The following DLGAP2 variants were observed in gnomAD, a reference collection of about 807,000 sequenced individuals.
The protein encoded by DLGAP2 is disks large-associated protein 2.
Under a neutral mutation model 100.3 loss-of-function variants are expected in DLGAP2, and 26 were observed. The ratio of observed to expected loss-of-function variants is 0.26; its 90% CI spans 0.19 to 0.36. DLGAP2 has a LOEUF of 0.36. Among genes scored for constraint, DLGAP2 ranks in the 10% least tolerant of loss-of-function variants. The pLI, the probability that DLGAP2 is intolerant of heterozygous loss-of-function variation, is 1.00. For missense variants in DLGAP2, 1,858 were observed against 1,453.2 expected (o/e 1.28, Z -4.53); for synonymous variants, 886 against 630.1 (o/e 1.41, Z -6.08).
intron 2 of DLGAP2, among the ~76,000 whole-genome samples, chr8:1,208,456 T>C (rs376034084): frequency 1.3e-5 from 2 of 152,206 alleles, no homozygotes; most frequent in East Asian, 1.9e-4. Context: ...CTCAGCAGAA[T>C]TGGCATAGAA....
At chr8:1,174,552 A>C (rs1363835455) in intron 2 of DLGAP2, among the ~76,000 whole-genome samples, 8 of 139,370 alleles carry the variant, frequency 5.7e-5, no homozygotes, top group African/African-American at 1.6e-4. Flanking sequence ...ACCATCACCA[A>C]AGTCATTATT....
Position 877,542 on chromosome 8 carries a change from A to G in DLGAP2, c.19-30370A>G, listed in dbSNP as rs548927697. ...CTGCTGATTGCAATTGTGGGCATACATTGCTTCACAAATAAATCTAATCAA... is the reference window on the plus strand; with the variant it reads ...CTGCTGATTGCAATTGTGGGCATACGTTGCTTCACAAATAAATCTAATCAA... On this transcript the variant is annotated intron_variant, in intron 1 of 14. Coordinates refer to ENST00000637795, the MANE Select transcript of DLGAP2 (RefSeq NM_001346810.2). Among the ~76,000 whole-genome samples the G allele has an allele frequency of 4.6e-5, 7 of 152,344 alleles. No individual in the cohort carries two copies. The South Asian group carries it at 8.3e-4, about 18-fold the overall frequency.
chr8:1,633,721 A>C (rs546272151), intron 8 of DLGAP2, among the ~76,000 whole-genome samples: 29 of 152,316 alleles, frequency 1.9e-4, no homozygotes, highest in Middle Eastern at 3.4e-3. Context: ...TAAAAGCTCG[A>C]GGCGCCGCAC....
At chr8:1,220,550 C>A (rs1052658471) in intron 2 of DLGAP2, among the ~76,000 whole-genome samples, 2 of 151,984 alleles carry the variant, frequency 1.3e-5, no homozygotes, top group African/African-American at 2.4e-5. Context: ...GAATATGTGC[C>A]GTGTGGAGAT....
chr8:1,245,255 A>G (rs532946117), intron 2 of DLGAP2, among the ~76,000 whole-genome samples: 17 of 152,346 alleles, frequency 1.1e-4, no homozygotes, highest in Non-Finnish European at 2.1e-4. Context: ...ACCCAAGAGA[A>G]ATGAAACATA....
chr8:1,268,252 C>A (rs1446532999), intron 3 of DLGAP2, among the ~76,000 whole-genome samples: 4 of 152,116 alleles, frequency 2.6e-5, no homozygotes, highest in African/African-American at 9.7e-5. Context: ...ATTTAAACAT[C>A]AGGCCGTGGG....
chr8:1,446,800 T>G (rs533768729), intron 3 of DLGAP2, among the ~76,000 whole-genome samples: 1 of 152,310 alleles, frequency 6.6e-6, no homozygotes, highest in Non-Finnish European at 1.5e-5. Flanking sequence ...ATTAAAGAGG[T>G]CATTCACATC....
At chr8:1,529,968 G>A (rs760661209) in intron 4 of DLGAP2, among the ~76,000 whole-genome samples, 51 of 152,186 alleles carry the variant, frequency 3.4e-4, no homozygotes, top group Non-Finnish European at 7.3e-5. Flanking sequence ...TACTTTACAA[G>A]GTAATAGAAT....
At chr8:873,373 A>G (rs1429770323) in intron 1 of DLGAP2, among the ~76,000 whole-genome samples, 1 of 152,224 alleles carries the variant, frequency 6.6e-6, no homozygotes, top group Non-Finnish European at 1.5e-5. Flanking sequence ...TTTGAAATGA[A>G]GGAGTGAGAA....
Position 871,731 on chromosome 8 carries a change from T to C in DLGAP2, c.19-36181T>C, listed in dbSNP as rs979189085. On this transcript the variant is annotated intron_variant, in intron 1 of 14. Transcript: ENST00000637795. ...AAAAAAAACCAATTTGAAGTACTTCTGGTCCCACGCATTTTGGGTAAGGGA... is the reference window on the plus strand; with the variant it reads ...AAAAAAAACCAATTTGAAGTACTTCCGGTCCCACGCATTTTGGGTAAGGGA... 3.3e-5 allele frequency among the ~76,000 whole-genome samples: 5 copies of C among 152,244 alleles called. No individual in the cohort carries two copies. The East Asian group carries it at 5.8e-4, about 18-fold the overall frequency.
intron 2 of DLGAP2, among the ~76,000 whole-genome samples, chr8:1,159,584 T>TATTTA (rs10667056): frequency 0.88 from 133,040 of 151,774 alleles, 58,365 homozygotes; most frequent in African/African-American, 0.9. Flanking sequence ...CTCTTCTGTG[T>TATTTA]ATTTTTCTAT....
rs57995053 is a variant in DLGAP2 at position 1,214,948 on chromosome 8, G to A, written c.74-43903G>A. On this transcript the variant is annotated intron_variant, in intron 2 of 14. Coordinates refer to ENST00000637795, the MANE Select transcript of DLGAP2 (RefSeq NM_001346810.2). Reference sequence around the variant, plus strand: ...CTGGCTGAAACACACTAGAACATGCGTTTAAAAATGCAGTGCAATCTCGTT... The same window carrying A: ...CTGGCTGAAACACACTAGAACATGCATTTAAAAATGCAGTGCAATCTCGTT... Among the ~76,000 whole-genome samples, 1,100 of 152,304 alleles carry A rather than the reference G, an allele frequency of 7.2e-3. 12 individuals are homozygous for A. The highest frequency in any genetic ancestry group is 0.025 in the African/African-American group (1,033 of 41,570).
intron 3 of DLGAP2, among the ~76,000 whole-genome samples, chr8:1,430,525 C>T (rs73670801): frequency 2.0e-5 from 3 of 152,084 alleles, no homozygotes; most frequent in East Asian, 1.9e-4. Flanking sequence ...GTCTACAGGC[C>T]TTGTAGCTAA....
chr8:1,323,111 C>T (rs373116093), intron 3 of DLGAP2, among the ~76,000 whole-genome samples: 1 of 151,314 alleles, frequency 6.6e-6, no homozygotes, highest in Non-Finnish European at 1.5e-5. Context: ...GTTCATGCAA[C>T]CTCCGCCTCC....
rs1357922322 is a variant in DLGAP2 at position 1,123,046 on chromosome 8, G to A, written c.74-135805G>A. 2.0e-5 allele frequency among the ~76,000 whole-genome samples: 3 copies of A among 152,028 alleles called. No homozygotes were observed. The East Asian group carries it at 5.8e-4, about 29-fold the overall frequency. On this transcript the variant is annotated intron_variant, in intron 2 of 14. Coordinates refer to ENST00000637795, the MANE Select transcript of DLGAP2 (RefSeq NM_001346810.2). ...AAATCTTTTATACAAACTGGGTTGG[G>A]GGCACTAAATATTCAAATGTATTTG... is the stretch of plus-strand genomic sequence containing the variant.
chr8:1,673,800 C>T (rs956937571), intron 10 of DLGAP2, among the ~76,000 whole-genome samples: 1 of 151,996 alleles, frequency 6.6e-6, no homozygotes, highest in African/African-American at 2.4e-5. Context: ...CTGACCAGCT[C>T]CAAAAACTGT....
Position 1,132,630 on chromosome 8 carries a change from G to C in DLGAP2, c.74-126221G>C, listed in dbSNP as rs528637852. On this transcript the variant is annotated intron_variant, in intron 2 of 14. Transcript: ENST00000637795. ...AGATGCTCACACCGAAGTTTTGGCA[G>C]TGATGTAAAGAAGGCGTTTACTGGA... is the stretch of plus-strand genomic sequence containing the variant. 4.7e-4 allele frequency among the ~76,000 whole-genome samples: 72 copies of C among 152,360 alleles called. 1 individual carries two copies. The South Asian group carries it at 0.013, about 28-fold the overall frequency.
At chr8:1,359,237 G>A (rs1245276539) in intron 3 of DLGAP2, among the ~76,000 whole-genome samples, 1 of 152,154 alleles carries the variant, frequency 6.6e-6, no homozygotes, top group Non-Finnish European at 1.5e-5. Context: ...TCCACCTCCC[G>A]GGACGCATCC....
intron 3 of DLGAP2, among the ~76,000 whole-genome samples, chr8:1,292,850 A>C (rs921465723): frequency 1.3e-4 from 20 of 151,810 alleles, no homozygotes; most frequent in African/African-American, 4.1e-4. Flanking sequence ...CACACATCCC[A>C]AGCCTACGCT....
Sources: allele counts gnomAD v4.1 joint callset (sites outside exome capture counted in the v4.1 genomes callset), GRCh38; gene constraint gnomAD v4.1.1; transcripts MANE v1.5; gene names NCBI Gene and HGNC (gene_info 2026-07-23, HGNC 2026-07-21).